The following SCNN1A variants were observed in gnomAD, a reference collection of about 807,000 sequenced individuals.
SCNN1A encodes epithelial sodium channel subunit alpha.
A neutral mutation model predicts 68.6 loss-of-function variants in SCNN1A; 65 were observed. The observed-to-expected ratio is 0.95, with a 90% CI of 0.78 to 1.16. The LOEUF (loss-of-function observed/expected upper bound fraction) is 1.16, where lower values mean the gene tolerates loss of function less well. Among genes scored for constraint, SCNN1A ranks in the 50% most tolerant of loss-of-function variants. The pLI is 0.00. For synonymous variants in SCNN1A, 357 were observed against 353.3 expected (o/e 1.01, Z -0.12); for missense variants, 880 against 865.9 (o/e 1.02, Z -0.20).
intron 4 of SCNN1A, among the ~76,000 whole-genome samples, chr12:6,357,350 G>A (rs973397401): frequency 3.3e-5 from 5 of 152,264 alleles, no homozygotes; most frequent in Middle Eastern, 3.4e-3. Flanking sequence ...GAGACAGGTG[G>A]ATCAGTTGAA....
chr12:6,352,860 T>C lies in SCNN1A; in HGVS notation c.1360+1578A>G, dbSNP rs1271556662. On this transcript the variant is annotated intron_variant, in intron 8 of 12. Coordinates refer to ENST00000228916, the MANE Select transcript of SCNN1A (RefSeq NM_001038.6). ...AACAAGGTAGGGATGGACGCTGAAC[T>C]CTGGGGTGAGACAATCCGCTGCCTT... Among the ~76,000 whole-genome samples the C allele has an allele frequency of 2.0e-5, 3 of 152,366 alleles. No individual in the cohort carries two copies. In the East Asian group the frequency reaches 5.8e-4, roughly 29 times the overall value.
At chr12:6,369,327 C>G (rs1439455659) in intron 2 of SCNN1A, among the ~76,000 whole-genome samples, 2 of 151,032 alleles carry the variant, frequency 1.3e-5, no homozygotes, top group African/African-American at 4.9e-5. Context: ...GCACCTCCCT[C>G]CTGCCACCCT....
chr12:6,352,237 A>AAAT (rs60225515), intron 8 of SCNN1A, among the ~76,000 whole-genome samples: 19,281 of 151,816 alleles, frequency 0.13, 3,065 homozygotes, highest in African/African-American at 0.38. Flanking sequence ...GCTATTACCA[A>AAAT]AATAATAATA....
chr12:6,363,377 C>T, intron 3 of SCNN1A, 66 bp downstream of exon 3: 2 of 1,406,654 alleles, frequency 1.4e-6, no homozygotes, highest in Admixed American at 2.7e-5. Context: ...GGAGCGGAGC[C>T]CATGGGTGGG....
intron 2 of SCNN1A, among the ~76,000 whole-genome samples, chr12:6,364,459 A>T (rs934187614): frequency 6.6e-6 from 1 of 152,156 alleles, no homozygotes; most frequent in Non-Finnish European, 1.5e-5. Context: ...ACACAAAAAA[A>T]ATTAATTGCA....
In SCNN1A at chr12:6,347,786, G is replaced by T; in HGVS notation, c.*87C>A. 8.5e-7 allele frequency: 1 copy of T among 1,183,022 alleles called. No homozygotes were observed. Among genetic ancestry groups the T allele is most frequent in the Non-Finnish European group, 1.2e-6 (1 of 811,942 alleles). The allele number at this position is 1,183,022 out of a possible 1,614,324, so 73.3% of individuals were successfully genotyped here. A position where few individuals can be genotyped will look rare whatever the true frequency, so the allele number is the denominator to read the frequency against. The stretch of plus-strand genomic sequence containing the variant: ...GCAGTTTGGGCGGCTCTGAGAGGAA[G>T]CCCTGCACATCCTTCAATCTTGCCA... On this transcript the variant is annotated 3_prime_UTR_variant, in exon 13 of 13. Coordinates refer to ENST00000228916, the MANE Select transcript of SCNN1A (RefSeq NM_001038.6).
At chr12:6,376,596 T>C (rs1177449478), upstream of SCNN1A, among the ~76,000 whole-genome samples, 1 of 152,166 alleles carries the variant, frequency 6.6e-6, no homozygotes, top group African/African-American at 2.4e-5. Flanking sequence ...GGCTATATTT[T>C]CTCCAAAATC....
intron 2 of SCNN1A, among the ~76,000 whole-genome samples, chr12:6,370,296 CT>C (rs1339985762): frequency 6.6e-6 from 1 of 152,232 alleles, no homozygotes; most frequent in Non-Finnish European, 1.5e-5. Context: ...ACGGCCCCTG[CT>C]TTTTCCACTG....
chr12:6,348,390 C>T (rs1948302509), intron 12 of SCNN1A, 137 bp from the exon 13 acceptor site: 2 of 1,518,664 alleles, frequency 1.3e-6, no homozygotes, highest in Middle Eastern at 2.3e-4. Flanking sequence ...TCTCAGCAGC[C>T]CCCTGGGCTC....
At chr12:6,363,911 C>G in intron 2 of SCNN1A, 10 of 352,774 alleles carry the variant, frequency 2.8e-5, no homozygotes, top group East Asian at 4.9e-5. Context: ...GCGGAGGCCA[C>G]GGCGAGCCCA....
In SCNN1A at chr12:6,375,557, T is replaced by A; in HGVS notation, c.-107A>T. The A allele has an allele frequency of 3.9e-6, 6 of 1,529,782 alleles. No homozygotes were observed. Among genetic ancestry groups the A allele is most frequent in the Non-Finnish European group, 5.2e-6 (6 of 1,143,656 alleles). 94.8% of individuals were successfully genotyped at this position (1,529,782 alleles called of 1,614,324 possible). ...AGCCCGCCCGCTGGCCGGCCAGGGA[T>A]GGAAGCGACAGGAATCTCATTAGCA... On this transcript the variant is annotated 5_prime_UTR_variant, in exon 1 of 13. Transcript: ENST00000228916.
Position 6,362,151 on chromosome 12 carries a change from T to C in SCNN1A, c.775A>G (p.Ile259Val). 6.2e-7 allele frequency: 1 copy of C among 1,614,216 alleles called. No individual in the cohort carries two copies. Among genetic ancestry groups the C allele is most frequent in the Non-Finnish European group, 8.5e-7 (1 of 1,180,034 alleles). The stretch of plus-strand genomic sequence containing the variant: ...AGAGTCTCTGGCAGCCTCGACAGGA[T>C]GTTGATGTAGTGGAAGCGGTACCAC... The part of the protein sequence containing the change: ...REWYRFHYIN[I>V]LSRLPETLPS... The change falls in exon 4 of 13, where the codon ATC becomes GTC. Residue 259 changes from isoleucine (I) to valine (V), a missense_variant. By Grantham distance (29) the Ile-to-Val change is conservative. This residue lies in a region of SCNN1A where 758 missense variants were observed against 721.8 expected (regional missense o/e 1.05). Transcript: ENST00000228916.
intron 4 of SCNN1A, among the ~76,000 whole-genome samples, chr12:6,359,931 C>T (rs938645344): frequency 7.2e-5 from 11 of 152,074 alleles, no homozygotes; most frequent in South Asian, 2.1e-4. Context: ...CCACCACACC[C>T]GGCTAATTTT....
chr12:6,367,648 C>T (rs546653163), intron 2 of SCNN1A, among the ~76,000 whole-genome samples: 2 of 152,246 alleles, frequency 1.3e-5, no homozygotes, highest in African/African-American at 4.8e-5. Flanking sequence ...AAGGGGGCAC[C>T]GGGTAATGGG....
intron 5 of SCNN1A, 110 bp downstream of exon 5, chr12:6,355,667 A>G (rs1948484416): frequency 1.1e-6 from 1 of 929,728 alleles, no homozygotes; most frequent in Non-Finnish European, 1.8e-6. Context: ...CCTATTGGGG[A>G]GAGACAGCAG....
At chr12:6,362,734 C>A (rs1190387578) in intron 3 of SCNN1A, among the ~76,000 whole-genome samples, 1 of 151,588 alleles carries the variant, frequency 6.6e-6, no homozygotes. Flanking sequence ...GGCTGGAGTA[C>A]AGTGGTGTGA....
At chr12:6,362,279 C>A in intron 3 of SCNN1A, 38 bp from the exon 4 acceptor site, 1 of 1,585,664 alleles carries the variant, frequency 6.3e-7, no homozygotes, top group Non-Finnish European at 8.7e-7. Context: ...GACACGCAGC[C>A]GGGGATAAGC....
At chr12:6,367,007 G>C (rs1238269496) in intron 2 of SCNN1A, among the ~76,000 whole-genome samples, 1 of 152,242 alleles carries the variant, frequency 6.6e-6, no homozygotes, top group Admixed American at 6.5e-5. Flanking sequence ...GGAAGGCCAA[G>C]TGGGTGGATC....
At position 6,351,520 on chromosome 12, in the gene SCNN1A, G is replaced by A. The variant is rs1428293710; in HGVS notation, c.1361-2115C>T. Reference sequence around the variant, plus strand: ...CGCCTGTATGTAGTCCCAGGTACTCGGGAAGCTGAGACAGGAGAATTGCTT... The same window carrying A: ...CGCCTGTATGTAGTCCCAGGTACTCAGGAAGCTGAGACAGGAGAATTGCTT... On this transcript the variant is annotated intron_variant, in intron 8 of 12. Transcript: ENST00000228916. This position sits in a 1 kb window ranked among gnomAD's most constrained non-coding sequence, Gnocchi z 4.2. 1.3e-5 allele frequency among the ~76,000 whole-genome samples: 2 copies of A among 151,930 alleles called. No homozygotes were observed. The highest frequency in any genetic ancestry group is 6.6e-5 in the Admixed American group (1 of 15,230).
Sources: gnomAD v4.1 joint callset for allele counts (sites outside exome capture counted in the v4.1 genomes callset) on GRCh38, gnomAD v4.1.1 for gene constraint, gnomAD v4.1.1 regional missense constraint, Gnocchi (gnomAD v3.1) non-coding constraint, MANE v1.5 for transcripts, NCBI Gene and HGNC (gene_info 2026-07-23, HGNC 2026-07-21) for gene names.